Variants in LIMD1 observed in about 807,000 individuals in gnomAD.
LIMD1 encodes LIM domain containing 1, also known as LIM domain-containing protein 1.
A neutral mutation model predicts 58.4 loss-of-function variants in LIMD1; 23 were observed. The ratio of observed to expected loss-of-function variants is 0.39; its 90% CI spans 0.28 to 0.56. LIMD1 has a LOEUF of 0.56. Among genes scored for constraint, LIMD1 ranks in the 20% least tolerant of loss-of-function variants. LIMD1 has a pLI of 0.57. For synonymous variants in LIMD1, 334 were observed against 345.5 expected, an observed-to-expected ratio of 0.97 and a Z score of 0.37; for missense variants, 838 against 855.5, an observed-to-expected ratio of 0.98 and a Z score of 0.25.
Position 45,595,673 on chromosome 3 carries a change from C to T in LIMD1, c.794C>T (p.Thr265Ile). The change falls in exon 1 of 8, where the codon ACT becomes ATT. Residue 265 changes from threonine to isoleucine, a missense_variant. Transcript: ENST00000273317. ...SSEKPTGLWS[T>I]ASSQRVSPGL... ...GAGAAGCCAACAGGCCTTTGGTCCA[C>T]TGCCTCCTCCCAGCGGGTGAGCCCT... 3.1e-6 allele frequency: 5 copies of T among 1,614,196 alleles called. No individual in the cohort carries two copies. The highest frequency in any genetic ancestry group is 4.2e-6 in the Non-Finnish European group (5 of 1,180,044).
chr3:45,595,668 G>A lies in LIMD1; in HGVS notation c.789G>A (p.Trp263Ter). 1.2e-6 allele frequency: 2 copies of A among 1,614,162 alleles called. No homozygotes were observed. Among genetic ancestry groups the A allele is most frequent in the South Asian group, 1.1e-5 (1 of 91,082 alleles). The change falls in exon 1 of 8, where the codon TGG becomes TGA. Residue 263 changes from tryptophan to a stop codon, truncating the protein, a stop_gained. Coordinates refer to ENST00000273317, the MANE Select transcript of LIMD1 (RefSeq NM_014240.3). LOFTEE classifies it high-confidence loss of function. ...GCAGCGAGAAGCCAACAGGCCTTTG[G>A]TCCACTGCCTCCTCCCAGCGGGTGA... ...GRSSEKPTGL[W>*]STASSQRVSP...
chr3:45,646,648 G>T (rs1701910562), intron 2 of LIMD1, among the ~76,000 whole-genome samples: 1 of 151,164 alleles, frequency 6.6e-6, no homozygotes, highest in South Asian at 2.1e-4. Flanking sequence ...TACAGCTTGT[G>T]GCTACTGTAT....
rs115739509 is a variant in LIMD1 at position 45,647,221 on chromosome 3, A to G, written c.1510+10970A>G. The stretch of plus-strand genomic sequence containing the variant: ...TGCTTTTTCCACTTAGAAATATATC[A>G]TATGCCTTTTCCCTCATTGCTTCAT... On this transcript the variant is annotated intron_variant, in intron 2 of 7. Transcript: ENST00000273317. Among the ~76,000 whole-genome samples, 484 of 152,258 alleles carry G rather than the reference A, an allele frequency of 3.2e-3. 4 individuals are homozygous for G. Among genetic ancestry groups the G allele is most frequent in the African/African-American group, 0.01 (436 of 41,536 alleles).
chr3:45,612,606 G>A (rs192341202), intron 1 of LIMD1, among the ~76,000 whole-genome samples: 5 of 152,312 alleles, frequency 3.3e-5, no homozygotes, highest in Admixed American at 2.6e-4. Context: ...GCATGCACCT[G>A]TGTGACCCAC....
In LIMD1 at chr3:45,594,803, A is replaced by ACACACACACAC. The variant is rs1701318854; in HGVS notation, c.-76_-66dup. On this transcript the variant is annotated 5_prime_UTR_variant, in exon 1 of 8. Transcript: ENST00000273317. Reference sequence around the variant, plus strand: ...AACACACACACACACACACACACACACACACACACACACACACACACACAC... The same window carrying ACACACACACAC: ...AACACACACACACACACACACACACACACACACACACCACACACACACACACACACACACAC... The ACACACACACAC allele has an allele frequency of 4.4e-5, 11 of 251,034 alleles. No individual in the cohort carries two copies. The South Asian group carries it at 5.1e-4, about 12-fold the overall frequency. 15.6% of individuals were successfully genotyped at this position (251,034 alleles called of 1,614,324 possible).
intron 1 of LIMD1, among the ~76,000 whole-genome samples, chr3:45,619,075 G>A (rs914158139): frequency 6.6e-6 from 1 of 152,188 alleles, no homozygotes; most frequent in African/African-American, 2.4e-5. Context: ...AGGACAATGA[G>A]GTAATGGTTT....
chr3:45,642,576 A>G (rs775549764), intron 2 of LIMD1, among the ~76,000 whole-genome samples: 4 of 152,178 alleles, frequency 2.6e-5, no homozygotes, highest in Non-Finnish European at 5.9e-5. Flanking sequence ...CCCCAAGTTT[A>G]TACACATTTT....
chr3:45,627,880 C>T (rs1304321004), intron 1 of LIMD1, among the ~76,000 whole-genome samples: 6 of 151,722 alleles, frequency 4.0e-5, no homozygotes, highest in South Asian at 2.1e-4. Context: ...TGGTGTTGCA[C>T]GCCTGTAGTC....
At chr3:45,642,654 A>G (rs111522512) in intron 2 of LIMD1, among the ~76,000 whole-genome samples, 22 of 152,238 alleles carry the variant, frequency 1.4e-4, no homozygotes, top group African/African-American at 4.6e-4. Context: ...GTCATAGTTC[A>G]TAATAATAAT....
chr3:45,610,938 G>A (rs1386415101), intron 1 of LIMD1, among the ~76,000 whole-genome samples: 1 of 152,048 alleles, frequency 6.6e-6, no homozygotes, highest in East Asian at 1.9e-4. Flanking sequence ...TGGATATATT[G>A]GCCTAAGTAA....
At chr3:45,612,068 G>T (rs1056776611) in intron 1 of LIMD1, among the ~76,000 whole-genome samples, 7 of 89,312 alleles carry the variant, frequency 7.8e-5, no homozygotes, top group African/African-American at 2.1e-4. Flanking sequence ...TTGCAGGTGC[G>T]CGCTCTCTCT....
chr3:45,604,824 C>A (rs2125648863), intron 1 of LIMD1, among the ~76,000 whole-genome samples: 1 of 152,286 alleles, frequency 6.6e-6, no homozygotes, highest in East Asian at 1.9e-4. Context: ...CTGGAGTCCT[C>A]CCTCCTTGGT....
chr3:45,653,510 T>G (rs1388161325), intron 2 of LIMD1, among the ~76,000 whole-genome samples: 1 of 152,176 alleles, frequency 6.6e-6, no homozygotes, highest in East Asian at 1.9e-4. Context: ...TCTGCTGTGC[T>G]CCTTGGCTTA....
intron 1 of LIMD1, among the ~76,000 whole-genome samples, chr3:45,607,238 C>G (rs560815580): frequency 2.0e-4 from 30 of 152,276 alleles, no homozygotes; most frequent in Non-Finnish European, 4.0e-4. Flanking sequence ...TATATCCACT[C>G]CAGTTTTTGT....
intron 6 of LIMD1, 145 bp downstream of exon 6, chr3:45,673,650 C>G: frequency 1.4e-6 from 1 of 695,150 alleles, no homozygotes; most frequent in East Asian, 2.7e-5. Context: ...CAGTGGCTCA[C>G]GCCTGTAATC....
chr3:45,637,282 AT>A (rs35720186), intron 2 of LIMD1, among the ~76,000 whole-genome samples: 4,551 of 144,564 alleles, frequency 0.031, 75 homozygotes, highest in Non-Finnish European at 0.042. Context: ...AAGTGTATTA[AT>A]TTTTTTTTTT....
In LIMD1 at chr3:45,595,223, G is replaced by A. The variant is rs753522343; in HGVS notation, c.344G>A (p.Gly115Glu). 1.2e-6 allele frequency: 2 copies of A among 1,602,788 alleles called. No homozygotes were observed. The highest frequency in any genetic ancestry group is 1.7e-6 in the Non-Finnish European group (2 of 1,174,320). The change falls in exon 1 of 8, where the codon GGG (glycine) becomes GAG (glutamate). Residue 115 changes from glycine to glutamate, a missense_variant. Coordinates refer to ENST00000273317, the MANE Select transcript of LIMD1 (RefSeq NM_014240.3). ...PPLAASTGAP[G>E]AVTTLAAGQP... is the part of the protein sequence containing the mutation. The stretch of plus-strand genomic sequence containing the variant: ...CTTGCTGCCTCGACAGGGGCACCTG[G>A]GGCAGTCACCACCCTCGCTGCTGGG...
intron 4 of LIMD1, among the ~76,000 whole-genome samples, chr3:45,671,294 A>G (rs989612684): frequency 2.6e-5 from 4 of 152,210 alleles, no homozygotes; most frequent in Non-Finnish European, 5.9e-5. Flanking sequence ...GTGTGGAGTT[A>G]TCCGCCTGAG....
intron 1 of LIMD1, among the ~76,000 whole-genome samples, chr3:45,603,509 G>T (rs889530832): frequency 6.6e-6 from 1 of 151,862 alleles, no homozygotes; most frequent in Non-Finnish European, 1.5e-5. Context: ...GCCATAATTT[G>T]AACCAGCCGA....
Sources: allele counts gnomAD v4.1 joint callset (sites outside exome capture counted in the v4.1 genomes callset), GRCh38; gene constraint gnomAD v4.1.1; transcripts MANE v1.5; gene names NCBI Gene and HGNC (gene_info 2026-07-23, HGNC 2026-07-21).